EIF4E: variants seen among roughly 807,000 people sequenced by gnomAD.
The protein encoded by EIF4E is eukaryotic translation initiation factor 4E, also known as eIF-4F 25 kDa subunit.
For missense variants in EIF4E, 113 were observed against 265.6 expected, an observed-to-expected ratio of 0.43 and a Z score of 3.99; for synonymous variants, 71 against 88.5, an observed-to-expected ratio of 0.80 and a Z score of 1.11.
rs1481036913 is a variant in EIF4E, at chr4:98,901,988, G to A, written c.19-6C>T. On this transcript the variant is annotated splice_polypyrimidine_tract_variant and splice_region_variant and intron_variant, in intron 1 of 6. Coordinates refer to ENST00000450253, the MANE Select transcript of EIF4E (RefSeq NM_001968.5). Reference sequence around the variant, plus strand: ...TTAGGAGTAGGGGTGGTTTCCTAGTGGAAAATAATATAAAACATTATTTTA... The same window carrying A: ...TTAGGAGTAGGGGTGGTTTCCTAGTAGAAAATAATATAAAACATTATTTTA... 1.9e-6 allele frequency: 3 copies of A among 1,605,964 alleles called. No homozygotes were observed. Among genetic ancestry groups the A allele is most frequent in the South Asian group, 1.1e-5 (1 of 90,860 alleles).
chr4:98,922,850 CTTTTTT>C (rs112293850), intron 1 of EIF4E, among the ~76,000 whole-genome samples: 6 of 136,704 alleles, frequency 4.4e-5, no homozygotes, highest in Non-Finnish European at 7.9e-5. Flanking sequence ...TTTCTTTTTT[CTTTTTT>C]TTTTTTTTTG....
At chr4:98,881,936 T>C (rs374716300) in intron 6 of EIF4E, among the ~76,000 whole-genome samples, 6 of 152,302 alleles carry the variant, frequency 3.9e-5, no homozygotes, top group Middle Eastern at 3.4e-3. Flanking sequence ...CCCCTTTAAA[T>C]ATCACGAGGT....
At chr4:98,896,213 T>TAAAAC (rs1724378957) in intron 2 of EIF4E, among the ~76,000 whole-genome samples, 1 of 150,576 alleles carries the variant, frequency 6.6e-6, no homozygotes, top group African/African-American at 2.5e-5. Context: ...TAAAATAAAA[T>TAAAAC]AAAATAAAAT....
intron 1 of EIF4E, among the ~76,000 whole-genome samples, chr4:98,906,262 T>C (rs1316725294): frequency 6.6e-6 from 1 of 152,182 alleles, no homozygotes; most frequent in Non-Finnish European, 1.5e-5. Flanking sequence ...ATTTGAAGTA[T>C]GGAATAATCA....
chr4:98,925,382 C>T (rs541189352), intron 1 of EIF4E, among the ~76,000 whole-genome samples: 10 of 152,262 alleles, frequency 6.6e-5, no homozygotes, highest in African/African-American at 2.2e-4. Flanking sequence ...CAAAGAAACA[C>T]GACCTACTGG....
intron 6 of EIF4E, among the ~76,000 whole-genome samples, chr4:98,882,547 T>G (rs919286960): frequency 6.6e-6 from 1 of 151,932 alleles, no homozygotes; most frequent in Admixed American, 6.6e-5. Flanking sequence ...TTTTATACCT[T>G]CCAGAAGATT....
chr4:98,916,942 C>T (rs1725403249), intron 1 of EIF4E, among the ~76,000 whole-genome samples: 1 of 152,016 alleles, frequency 6.6e-6, no homozygotes, highest in Non-Finnish European at 1.5e-5. Context: ...AAAAGGAGAT[C>T]CAGGGAAGAC....
chr4:98,883,609 T>A (rs549523525), intron 6 of EIF4E, among the ~76,000 whole-genome samples: 2 of 151,908 alleles, frequency 1.3e-5, no homozygotes, highest in South Asian at 4.2e-4. Flanking sequence ...TTCACCGTGT[T>A]GGCCAGGATG....
At position 98,887,797 on chromosome 4, in the gene EIF4E, T is replaced by C; in HGVS notation, c.285+92A>G. On this transcript the variant is annotated intron_variant, in intron 4 of 6. Transcript: ENST00000450253. The surrounding 1 kb of genome is among the most constrained non-coding windows in gnomAD (Gnocchi z 4.0). ...AATTATCAGCCTATTCATCACACTA[T>C]CAAATATTCCTAAGTTTATGGTAAG... 1 of 1,134,308 alleles carries C rather than the reference T, an allele frequency of 8.8e-7. No individual in the cohort carries two copies. The highest frequency in any genetic ancestry group is 1.3e-5 in the South Asian group (1 of 76,228). 70.3% of individuals were successfully genotyped at this position (1,134,308 alleles called of 1,614,324 possible). A position where few individuals can be genotyped will look rare whatever the true frequency, so the allele number is the denominator to read the frequency against.
chr4:98,909,821 T>C (rs1725034804), intron 1 of EIF4E: 1 of 699,958 alleles, frequency 1.4e-6, no homozygotes, highest in East Asian at 2.7e-5. Context: ...ACAGGAGTCT[T>C]AATTTGTCTC....
intron 6 of EIF4E, among the ~76,000 whole-genome samples, chr4:98,882,103 G>A (rs1211929998): frequency 6.6e-6 from 1 of 152,102 alleles, no homozygotes; most frequent in African/African-American, 2.4e-5. Context: ...TTAAAAATTT[G>A]AATCTTTGGC....
At chr4:98,928,907 G>A (rs1721350156) in intron 1 of EIF4E, 188 bp downstream of exon 1, 1 of 1,561,370 alleles carries the variant, frequency 6.4e-7, no homozygotes, top group Admixed American at 1.9e-5. Flanking sequence ...GAAAGTGTGC[G>A]CTACACGCCG....
chr4:98,899,913 A>T (rs937189463), intron 2 of EIF4E, among the ~76,000 whole-genome samples: 2 of 152,122 alleles, frequency 1.3e-5, no homozygotes, highest in African/African-American at 4.8e-5. Flanking sequence ...ATTTTTCCAA[A>T]TGATACTTGC....
intron 1 of EIF4E, among the ~76,000 whole-genome samples, chr4:98,909,160 T>C (rs1048049608): frequency 6.6e-6 from 1 of 152,054 alleles, no homozygotes; most frequent in African/African-American, 2.4e-5. Flanking sequence ...AAAAACCCAC[T>C]ACCAGGAAAA....
chr4:98,915,777 G>C (rs577315012), intron 1 of EIF4E, among the ~76,000 whole-genome samples: 1 of 150,348 alleles, frequency 6.7e-6, no homozygotes, highest in Non-Finnish European at 1.5e-5. Context: ...CCTGAACTCA[G>C]GTGATCCACC....
chr4:98,898,368 C>G (rs771336193), intron 2 of EIF4E, among the ~76,000 whole-genome samples: 9 of 151,910 alleles, frequency 5.9e-5, no homozygotes, highest in Admixed American at 5.9e-4. Context: ...CAGCACTTTG[C>G]GAGGCCGAGG....
intron 6 of EIF4E, 132 bp downstream of exon 6, chr4:98,884,788 TAA>T (rs1239667751): frequency 8.9e-6 from 11 of 1,238,020 alleles, no homozygotes; most frequent in South Asian, 2.7e-5. Context: ...TTCAAAATTA[TAA>T]AAGTGTTCAC....
At chr4:98,929,026 G>T (rs767473688) in intron 1 of EIF4E, 69 bp downstream of exon 1, 6 of 1,567,742 alleles carry the variant, frequency 3.8e-6, no homozygotes, top group Non-Finnish European at 4.3e-6. Flanking sequence ...CCGTCCCGCG[G>T]AGTCCCCCAG....
At chr4:98,925,333 A>T (rs753759674) in intron 1 of EIF4E, among the ~76,000 whole-genome samples, 139 of 152,334 alleles carry the variant, frequency 9.1e-4, no homozygotes, top group Middle Eastern at 3.4e-3. Flanking sequence ...AAATTTTTTT[A>T]ATTCTAATAA....
Sources: allele counts gnomAD v4.1 joint callset (sites outside exome capture counted in the v4.1 genomes callset), GRCh38; gene constraint gnomAD v4.1.1; non-coding constraint Gnocchi (gnomAD v3.1); transcripts MANE v1.5; gene names NCBI Gene and HGNC (gene_info 2026-07-23, HGNC 2026-07-21).